The following TTBK1 variants were observed in gnomAD, a reference collection of about 807,000 sequenced individuals.
TTBK1 encodes the protein tau-tubulin kinase 1.
In TTBK1, 34 loss-of-function variants were observed where a neutral mutation model predicts 108.5. The ratio of observed to expected loss-of-function variants is 0.31; its 90% confidence interval spans 0.24 to 0.42. TTBK1 has a LOEUF of 0.42. Among genes scored for constraint, TTBK1 ranks in the 10% least tolerant of loss-of-function variants. The probability of loss-of-function intolerance (pLI) is 1.00; values close to 1 mark genes in which losing one functional copy is unlikely to be tolerated. For missense variants in TTBK1, 1,539 were observed against 1,826.0 expected, an observed-to-expected ratio of 0.84 and a Z score of 2.86; for synonymous variants, 809 against 795.1, an observed-to-expected ratio of 1.02 and a Z score of -0.29.
chr6:43,247,390 G>A (rs1777122259), intron 2 of TTBK1, among the ~76,000 whole-genome samples: 1 of 152,222 alleles, frequency 6.6e-6, no homozygotes, highest in Admixed American at 6.5e-5. Context: ...GCCTGCCTCG[G>A]AGCGGGGGCG....
intron 13 of TTBK1, among the ~76,000 whole-genome samples, chr6:43,267,628 TTTTG>T (rs1296791139): frequency 4.6e-5 from 7 of 151,554 alleles, no homozygotes; most frequent in African/African-American, 1.5e-4. Flanking sequence ...TGGTGGGTTT[TTTTG>T]TTTTTGTTTT....
At chr6:43,262,362 T>C (rs970662233) in intron 12 of TTBK1, among the ~76,000 whole-genome samples, 7 of 149,568 alleles carry the variant, frequency 4.7e-5, no homozygotes, top group African/African-American at 1.7e-4. Context: ...CAAGGGCCAG[T>C]TGGGTGTGTT....
At chr6:43,258,090 A>G in intron 10 of TTBK1, 124 bp downstream of exon 10, 1 of 1,155,448 alleles carries the variant, frequency 8.7e-7, no homozygotes, top group Non-Finnish European at 1.2e-6. Context: ...TCCTTAGTGG[A>G]GTTCTGGGAC....
At chr6:43,271,471 A>G (rs1444102110) in intron 13 of TTBK1, 9 of 985,274 alleles carry the variant, frequency 9.1e-6, no homozygotes, top group South Asian at 9.4e-5. Context: ...AAAGATGTCT[A>G]TGCAGTCATT....
At position 43,283,572 on chromosome 6, in the gene TTBK1, C is replaced by T. The variant is rs564914237; in HGVS notation, c.2832C>T (p.Ser944=). The T allele has an allele frequency of 2.3e-4, 374 of 1,614,162 alleles. 4 individuals are homozygous for T. The South Asian group carries it at 3.4e-3, about 15-fold the overall frequency. ...AEKTHLNVMS[S]GGQALRSEEF... Reference sequence around the variant, plus strand: ...AAACCCACCTCAACGTCATGTCTTCCGGTGGACAAGCCTTGCGGTCTGAGG... The same window carrying T: ...AAACCCACCTCAACGTCATGTCTTCTGGTGGACAAGCCTTGCGGTCTGAGG... The change falls in exon 14 of 15, where the codon TCC becomes TCT. Residue 944 remains serine, a synonymous_variant. Coordinates refer to ENST00000259750, the MANE Select transcript of TTBK1 (RefSeq NM_032538.3). This position sits in a 1 kb window ranked among gnomAD's most constrained non-coding sequence, Gnocchi z 8.1.
intron 13 of TTBK1, among the ~76,000 whole-genome samples, chr6:43,274,407 G>T (rs1777910095): frequency 6.6e-6 from 1 of 152,174 alleles, no homozygotes; most frequent in African/African-American, 2.4e-5. Flanking sequence ...TGCTCAGGCA[G>T]TGGTCGGGGG....
At chr6:43,271,337 C>T in intron 13 of TTBK1, 4 of 985,484 alleles carry the variant, frequency 4.1e-6, no homozygotes, top group Non-Finnish European at 4.8e-6. Flanking sequence ...TGGATGAATG[C>T]TCAGGCTGTG....
chr6:43,282,978 AGAG>A lies in TTBK1; in HGVS notation c.2241_2243del (p.Glu747del). The A allele has an allele frequency of 6.2e-7, 1 of 1,600,786 alleles. No individual in the cohort carries two copies. Among genetic ancestry groups the A allele is most frequent in the Non-Finnish European group, 8.5e-7 (1 of 1,173,298 alleles). ...AGGAGGAAGATGAGGAAGAGGAAGAAGAGGATGAGGAAGAAGAAGAGGAGGAAG... is the reference window on the plus strand; with the variant it reads ...AGGAGGAAGATGAGGAAGAGGAAGAAGATGAGGAAGAAGAAGAGGAGGAAG... On this transcript the variant is annotated inframe_deletion, in exon 14 of 15. Coordinates refer to ENST00000259750, the MANE Select transcript of TTBK1 (RefSeq NM_032538.3). This position sits in a 1 kb window ranked among gnomAD's most constrained non-coding sequence, Gnocchi z 5.4.
In TTBK1 at chr6:43,263,170, G is replaced by T. The variant is rs200071763; in HGVS notation, c.1806G>T (p.Ala602=). Residue 602 remains alanine, a synonymous_variant, in exon 13 of 15, where the codon GCG becomes GCT. Transcript: ENST00000259750. This position sits in a 1 kb window ranked among gnomAD's most constrained non-coding sequence, Gnocchi z 4.7. ...GGCCCCGGGGACGCAGCATGCAGGC[G>T]CTGGCGGAGGAGGACCTGCAGCATT... ...TVRPRGRSMQ[A]LAEEDLQHLP... 44 of 1,575,284 alleles carry T rather than the reference G, an allele frequency of 2.8e-5. No homozygotes were observed. Among genetic ancestry groups the T allele is most frequent in the Non-Finnish European group, 3.5e-5 (41 of 1,159,970 alleles).
intron 13 of TTBK1, among the ~76,000 whole-genome samples, chr6:43,274,237 T>C (rs1223813275): frequency 6.6e-6 from 1 of 152,190 alleles, no homozygotes; most frequent in Non-Finnish European, 1.5e-5. Flanking sequence ...AACCCAACGA[T>C]ATCCCTTTGC....
chr6:43,255,847 C>A lies in TTBK1; in HGVS notation c.852C>A (p.Pro284=). 3 of 1,614,116 alleles carry A rather than the reference C, an allele frequency of 1.9e-6. No individual in the cohort carries two copies. Among genetic ancestry groups the A allele is most frequent in the Non-Finnish European group, 2.5e-6 (3 of 1,180,016 alleles). The change falls in exon 9 of 15, where the codon CCC becomes CCA. Residue 284 remains proline, a synonymous_variant. Transcript: ENST00000259750. ...HIASLDYFTK[P]DYQLIMSVFE... ...CCAGCCTCGACTACTTCACCAAGCC[C>A]GACTACCAGGTGGGAGCCTGCTACC...
In TTBK1 at chr6:43,253,382, A is replaced by C; in HGVS notation, c.330+18A>C. On this transcript the variant is annotated intron_variant, in intron 4 of 14. Transcript: ENST00000259750. The surrounding 1 kb of genome is among the most constrained non-coding windows in gnomAD (Gnocchi z 5.8). ...AGCTCCAGGTGAGTCCCCGTGGCCCATCCTCGCTCCCCTCTCTAAGAGCTT... is the reference window on the plus strand; with the variant it reads ...AGCTCCAGGTGAGTCCCCGTGGCCCCTCCTCGCTCCCCTCTCTAAGAGCTT... 1 of 1,613,642 alleles carries C rather than the reference A, an allele frequency of 6.2e-7. No individual in the cohort carries two copies. The highest frequency in any genetic ancestry group is 8.5e-7 in the Non-Finnish European group (1 of 1,179,714).
At chr6:43,258,070 A>G (rs1777425989) in intron 10 of TTBK1, 104 bp downstream of exon 10, 5 of 1,325,506 alleles carry the variant, frequency 3.8e-6, no homozygotes, top group Admixed American at 5.0e-5. Context: ...ACACTTGGCT[A>G]TCTTTCCTAT....
At chr6:43,256,231 G>T (rs1266448191) in intron 9 of TTBK1, among the ~76,000 whole-genome samples, 2 of 151,686 alleles carry the variant, frequency 1.3e-5, no homozygotes, top group African/African-American at 4.8e-5. Context: ...TGCCTCCTGG[G>T]TTCAAGCAAT....
In TTBK1 at chr6:43,263,163, T is replaced by C; in HGVS notation, c.1799T>C (p.Met600Thr). ...EPTVRPRGRS[M>T]QALAEEDLQH... is the part of the protein sequence containing the mutation. ...ACCGTCCGGCCCCGGGGACGCAGCATGCAGGCGCTGGCGGAGGAGGACCTG... is the reference window on the plus strand; with the variant it reads ...ACCGTCCGGCCCCGGGGACGCAGCACGCAGGCGCTGGCGGAGGAGGACCTG... The change falls in exon 13 of 15, where the codon ATG becomes ACG. Residue 600 changes from methionine to threonine, a missense_variant. By Grantham distance (81) the Met-to-Thr change is moderately conservative (BLOSUM62 -1). Around this residue, in one of 5 missense-constraint regions of TTBK1, gnomAD observed 1,055 missense variants for 1,086.5 expected, o/e 0.97. Transcript: ENST00000259750. This position sits in a 1 kb window ranked among gnomAD's most constrained non-coding sequence, Gnocchi z 4.7. 4 of 1,574,396 alleles carry C rather than the reference T, an allele frequency of 2.5e-6. No individual in the cohort carries two copies. The highest frequency in any genetic ancestry group is 2.6e-6 in the Non-Finnish European group (3 of 1,159,152).
chr6:43,252,935 G>A, intron 3 of TTBK1, 49 bp downstream of exon 3: 1 of 1,601,368 alleles, frequency 6.2e-7, no homozygotes, highest in Non-Finnish European at 8.5e-7. Flanking sequence ...ATGAAGCCAG[G>A]GGCTAAGAGA....
chr6:43,258,353 CGA>C (rs1562086439), intron 10 of TTBK1, among the ~76,000 whole-genome samples: 1 of 152,134 alleles, frequency 6.6e-6, no homozygotes, highest in Non-Finnish European at 1.5e-5. Flanking sequence ...TGTTTGAAAT[CGA>C]TGGGTCAGCA....
rs1157379594 is a variant in TTBK1, at chr6:43,273,420, G to A, written c.1987-9307G>A. On this transcript the variant is annotated intron_variant, in intron 13 of 14. Transcript: ENST00000259750. This position sits in a 1 kb window ranked among gnomAD's most constrained non-coding sequence, Gnocchi z 4.2. ...AAAATGGCTGGACCCTGTCTCTCCAGAGACCTCCAACCCCTCAATCCCACA... is the reference window on the plus strand; with the variant it reads ...AAAATGGCTGGACCCTGTCTCTCCAAAGACCTCCAACCCCTCAATCCCACA... 6.6e-6 allele frequency among the ~76,000 whole-genome samples: 1 copy of A among 152,166 alleles called. No individual in the cohort carries two copies. Among genetic ancestry groups the A allele is most frequent in the Non-Finnish European group, 1.5e-5 (1 of 68,032 alleles).
At chr6:43,258,064 T>G in intron 10 of TTBK1, 98 bp downstream of exon 10, 13 of 1,372,928 alleles carry the variant, frequency 9.5e-6, no homozygotes, top group Non-Finnish European at 1.2e-5. Flanking sequence ...CTGGACACAC[T>G]TGGCTATCTT....
Sources: allele counts gnomAD v4.1 joint callset (sites outside exome capture counted in the v4.1 genomes callset), GRCh38; gene constraint gnomAD v4.1.1; regional missense constraint gnomAD v4.1.1; non-coding constraint Gnocchi (gnomAD v3.1); transcripts MANE v1.5; gene names NCBI Gene and HGNC (gene_info 2026-07-23, HGNC 2026-07-21).